ZNF654: variants seen among roughly 807,000 people sequenced by gnomAD.
ZNF654 encodes the protein zinc finger protein 654.
ZNF654 carries 19 observed loss-of-function variants against 95.3 expected under a neutral mutation model. That is an observed-to-expected ratio of 0.20 (90% confidence interval 0.14 to 0.29). The LOEUF (loss-of-function observed/expected upper bound fraction) is 0.29. Ranked by LOEUF, ZNF654 falls within the 10% of genes least tolerant of loss-of-function variation. The probability of loss-of-function intolerance (pLI) is 1.00; values close to 1 mark genes in which losing one functional copy is unlikely to be tolerated. For synonymous variants in ZNF654, 413 were observed against 457.9 expected (o/e 0.90, Z 1.25); for missense variants, 1,046 against 1,341.0 (o/e 0.78, Z 3.44).
At chr3:88,083,738 T>C (rs1466972746) in intron 1 of ZNF654, among the ~76,000 whole-genome samples, 2 of 152,136 alleles carry the variant, frequency 1.3e-5, no homozygotes, top group Non-Finnish European at 2.9e-5. Context: ...CTATTCTTAT[T>C]TGTTTTAGCA....
At chr3:88,069,279 G>A (rs1336070894) in intron 1 of ZNF654, among the ~76,000 whole-genome samples, 3 of 152,036 alleles carry the variant, frequency 2.0e-5, no homozygotes, top group Non-Finnish European at 4.4e-5. Context: ...AAAATTAGTC[G>A]GGCATGGTGG....
At chr3:88,116,029 G>C (rs1705368006) in intron 3 of ZNF654, among the ~76,000 whole-genome samples, 1 of 152,062 alleles carries the variant, frequency 6.6e-6, no homozygotes, top group South Asian at 2.1e-4. Context: ...TAGAGAGAAA[G>C]AGAGAACTTC....
chr3:88,065,152 A>G (rs908850639), intron 1 of ZNF654, among the ~76,000 whole-genome samples: 2 of 152,236 alleles, frequency 1.3e-5, no homozygotes, highest in African/African-American at 4.8e-5. Context: ...CACATTTGGG[A>G]TATTTCAAGT....
chr3:88,064,109 CTTTT>C (rs34753092), intron 1 of ZNF654, among the ~76,000 whole-genome samples: 2 of 147,902 alleles, frequency 1.4e-5, no homozygotes. Flanking sequence ...CGAGCTTCTT[CTTTT>C]TTTTTTTTTT....
chr3:88,091,239 C>T (rs1056220709), intron 2 of ZNF654, among the ~76,000 whole-genome samples: 1 of 152,162 alleles, frequency 6.6e-6, no homozygotes, highest in African/African-American at 2.4e-5. Context: ...ATCAGAACCA[C>T]AGAAGTGTTG....
At position 88,115,247 on chromosome 3, in the gene ZNF654, G is replaced by GT. The variant is rs545390824; in HGVS notation, c.414+2051_414+2052insT. Among the ~76,000 whole-genome samples, 674 of 152,238 alleles carry GT rather than the reference G, an allele frequency of 4.4e-3. 7 individuals are homozygous for GT. The highest frequency in any genetic ancestry group is 0.015 in the African/African-American group (641 of 41,536). On this transcript the variant is annotated intron_variant, in intron 3 of 8. Coordinates refer to ENST00000636215, the MANE Select transcript of ZNF654 (RefSeq NM_001350134.2). ...CCCTGAACCACACTTTGAATACCAA[G>GT]GTATTCTTTGTTGGATTTGAGTTAA...
At chr3:88,084,995 C>G (rs898508733) in intron 1 of ZNF654, among the ~76,000 whole-genome samples, 1 of 152,204 alleles carries the variant, frequency 6.6e-6, no homozygotes, top group Non-Finnish European at 1.5e-5. Flanking sequence ...AACAGGTTCT[C>G]TGCTCTGGAG....
intron 2 of ZNF654, among the ~76,000 whole-genome samples, chr3:88,102,484 T>G (rs1481962597): frequency 6.6e-6 from 1 of 152,234 alleles, no homozygotes; most frequent in Non-Finnish European, 1.5e-5. Flanking sequence ...ATTTTATTTT[T>G]TATGTGCAAA....
rs201799309 is a variant in ZNF654 at position 88,116,410 on chromosome 3, C to CAGGA, written c.414+3214_414+3215insAGGA. Among the ~76,000 whole-genome samples the CAGGA allele has an allele frequency of 8.0e-3, 1,213 of 151,968 alleles. 23 individuals carry two copies. Among genetic ancestry groups the CAGGA allele is most frequent in the African/African-American group, 0.028 (1,150 of 41,418 alleles). ...CGGCTCATGCCTGTAATCCCAGCTA[C>CAGGA]TTGGGAGGCTGAGGCAGGAGAATCG... On this transcript the variant is annotated intron_variant, in intron 3 of 8. Coordinates refer to ENST00000636215, the MANE Select transcript of ZNF654 (RefSeq NM_001350134.2).
chr3:88,100,438 A>G (rs542435395), intron 2 of ZNF654, among the ~76,000 whole-genome samples: 2 of 152,320 alleles, frequency 1.3e-5, no homozygotes. Flanking sequence ...ATGTAGAACT[A>G]GAAATACCAT....
chr3:88,097,075 A>G (rs1338172814), intron 2 of ZNF654, among the ~76,000 whole-genome samples: 1 of 152,106 alleles, frequency 6.6e-6, no homozygotes, highest in Admixed American at 6.6e-5. Context: ...GCCCCTTACT[A>G]ATGGATAGTT....
At chr3:88,089,010 TG>T (rs1271504357) in intron 2 of ZNF654, among the ~76,000 whole-genome samples, 1 of 151,796 alleles carries the variant, frequency 6.6e-6, no homozygotes, top group East Asian at 1.9e-4. Flanking sequence ...TGACCTCAGA[TG>T]ATCTACCCAC....
intron 2 of ZNF654, among the ~76,000 whole-genome samples, chr3:88,096,263 C>A (rs1275050996): frequency 4.0e-5 from 6 of 151,832 alleles, no homozygotes; most frequent in Non-Finnish European, 8.8e-5. Context: ...GCAATTGTGG[C>A]AAGTTGCTGT....
At chr3:88,098,775 TCAA>T (rs1427629879) in intron 2 of ZNF654, among the ~76,000 whole-genome samples, 1 of 152,100 alleles carries the variant, frequency 6.6e-6, no homozygotes, top group African/African-American at 2.4e-5. Flanking sequence ...TTGACAAAAT[TCAA>T]CAACACTTCA....
chr3:88,100,751 A>G (rs1704366898), intron 2 of ZNF654, among the ~76,000 whole-genome samples: 1 of 152,054 alleles, frequency 6.6e-6, no homozygotes, highest in African/African-American at 2.4e-5. Flanking sequence ...ATAGGTGGGA[A>G]TTGAACAATG....
intron 1 of ZNF654, among the ~76,000 whole-genome samples, chr3:88,082,886 A>T (rs1374782814): frequency 6.6e-6 from 1 of 152,226 alleles, no homozygotes; most frequent in East Asian, 1.9e-4. Flanking sequence ...CCAGATCAGG[A>T]TGCCAGCGTG....
At chr3:88,134,920 A>T (rs377484388) in intron 6 of ZNF654, 141 bp from the exon 7 acceptor site, 240 of 465,098 alleles carry the variant, frequency 5.2e-4, no homozygotes, top group Middle Eastern at 2.3e-3. Context: ...TAGGTAGAAG[A>T]AGTAGTTTGG....
In ZNF654 at chr3:88,082,246, C is replaced by T. The variant is rs571722354; in HGVS notation, c.187-4011C>T. ...GGTTCAAGTGATTCTCCTGCCTCAGCCTCCCAAGTAGCTAGGACTACAGGC... is the reference window on the plus strand; with the variant it reads ...GGTTCAAGTGATTCTCCTGCCTCAGTCTCCCAAGTAGCTAGGACTACAGGC... On this transcript the variant is annotated intron_variant, in intron 1 of 8. Transcript: ENST00000636215. Among the ~76,000 whole-genome samples, 33 of 152,150 alleles carry T rather than the reference C, an allele frequency of 2.2e-4. No homozygotes were observed. In the South Asian group the frequency reaches 3.9e-3, roughly 18 times the overall value.
intron 1 of ZNF654, among the ~76,000 whole-genome samples, chr3:88,072,920 T>C (rs1030305017): frequency 4.6e-5 from 7 of 152,130 alleles, no homozygotes; most frequent in Non-Finnish European, 8.8e-5. Context: ...ATAGAGATAA[T>C]TTGGAAAATT....
Sources: gnomAD v4.1 joint callset for allele counts (sites outside exome capture counted in the v4.1 genomes callset) on GRCh38, gnomAD v4.1.1 for gene constraint, MANE v1.5 for transcripts, NCBI Gene and HGNC (gene_info 2026-07-23, HGNC 2026-07-21) for gene names.